OSBPL6: variants seen among roughly 807,000 people sequenced by gnomAD.
The protein encoded by OSBPL6 is oxysterol-binding protein-related protein 6.
OSBPL6 carries 49 observed loss-of-function variants against 125.8 expected under a neutral mutation model. The ratio of observed to expected loss-of-function variants is 0.39; its 90% CI spans 0.31 to 0.49. The LOEUF (loss-of-function observed/expected upper bound fraction) is 0.49, where lower values mean the gene tolerates loss of function less well. Ranked by LOEUF, OSBPL6 falls within the 20% of genes least tolerant of loss-of-function variation. The probability of loss-of-function intolerance (pLI) is 0.88; values close to 1 mark genes in which losing one functional copy is unlikely to be tolerated. For missense variants in OSBPL6, 986 were observed against 1,135.4 expected (o/e 0.87, Z 1.89); for synonymous variants, 394 against 391.8 (o/e 1.01, Z -0.07).
chr2:178,291,372 A>G (rs1574771019), intron 2 of OSBPL6, among the ~76,000 whole-genome samples: 1 of 152,152 alleles, frequency 6.6e-6, no homozygotes, highest in East Asian at 1.9e-4. Context: ...GCCATATTGA[A>G]TGGCTTTGTT....
chr2:178,377,017 T>G (rs1369387184), intron 15 of OSBPL6, among the ~76,000 whole-genome samples: 1 of 152,218 alleles, frequency 6.6e-6, no homozygotes, highest in Non-Finnish European at 1.5e-5. Context: ...TCAGAGTTGC[T>G]TTTCCCCTTC....
chr2:178,232,274 T>C (rs1234661976), intron 1 of OSBPL6, among the ~76,000 whole-genome samples: 1 of 152,210 alleles, frequency 6.6e-6, no homozygotes, highest in African/African-American at 2.4e-5. Flanking sequence ...TTGCTTTTTT[T>C]CTTTTTTGAC....
At chr2:178,297,373 G>A (rs1049812969) in intron 2 of OSBPL6, among the ~76,000 whole-genome samples, 1 of 152,192 alleles carries the variant, frequency 6.6e-6, no homozygotes, top group Admixed American at 6.5e-5. Context: ...TGAAGTGAGA[G>A]GATTGCTTGA....
intron 12 of OSBPL6, among the ~76,000 whole-genome samples, chr2:178,355,363 A>C (rs922556036): frequency 1.3e-5 from 2 of 152,240 alleles, no homozygotes; most frequent in African/African-American, 4.8e-5. Context: ...ATTAGAAAAG[A>C]GAGAAGAGTC....
intron 1 of OSBPL6, among the ~76,000 whole-genome samples, chr2:178,212,425 A>C (rs548209571): frequency 6.6e-6 from 1 of 152,354 alleles, no homozygotes; most frequent in South Asian, 2.1e-4. Flanking sequence ...CATTCTTAGA[A>C]TAATGTGACA....
chr2:178,311,287 G>C (rs560594807), intron 3 of OSBPL6, among the ~76,000 whole-genome samples: 1 of 151,978 alleles, frequency 6.6e-6, no homozygotes, highest in Non-Finnish European at 1.5e-5. Flanking sequence ...GCCATCCCCC[G>C]GTTTGTCATA....
intron 1 of OSBPL6, among the ~76,000 whole-genome samples, chr2:178,243,016 TAAATATATCATTTATA>T (rs1352041818): frequency 6.6e-6 from 1 of 151,968 alleles, no homozygotes; most frequent in Non-Finnish European, 1.5e-5. Flanking sequence ...CACATTTTTA[TAAATATATCATTTATA>T]AAATATAAAC....
intron 3 of OSBPL6, chr2:178,323,909 A>G (rs1439657743): frequency 1.1e-5 from 3 of 267,404 alleles, no homozygotes; most frequent in African/African-American, 2.2e-5. Context: ...TGTGTGTATC[A>G]TAAAATTTTT....
At chr2:178,277,375 A>G (rs1261488403) in intron 1 of OSBPL6, among the ~76,000 whole-genome samples, 1 of 152,146 alleles carries the variant, frequency 6.6e-6, no homozygotes, top group Admixed American at 6.5e-5. Flanking sequence ...CATTAACAAT[A>G]CTCTTTAATT....
chr2:178,338,901 AT>A, intron 9 of OSBPL6, 89 bp from the exon 10 acceptor site: 1 of 800,484 alleles, frequency 1.2e-6, no homozygotes, highest in Non-Finnish European at 2.0e-6. Flanking sequence ...GCCTACTTAT[AT>A]TTGCCATAAT....
intron 1 of OSBPL6, among the ~76,000 whole-genome samples, chr2:178,202,079 C>T (rs2089289639): frequency 6.6e-6 from 1 of 152,128 alleles, no homozygotes; most frequent in Non-Finnish European, 1.5e-5. Flanking sequence ...TTCTCTCTTC[C>T]TGACTTTTGT....
At chr2:178,344,383 T>G (rs1222622350) in intron 11 of OSBPL6, 27 of 1,610,226 alleles carry the variant, frequency 1.7e-5, no homozygotes, top group Non-Finnish European at 2.1e-5. Flanking sequence ...CAATCTCAAG[T>G]GGAAGTTTAA....
intron 1 of OSBPL6, 129 bp downstream of exon 1, chr2:178,194,803 T>G (rs575030691): frequency 6.6e-6 from 1 of 152,342 alleles, no homozygotes; most frequent in African/African-American, 2.4e-5. Context: ...AGCCGCAGCT[T>G]CGGGTCCCCA....
At chr2:178,364,277 A>G (rs1204622141) in intron 13 of OSBPL6, among the ~76,000 whole-genome samples, 2 of 152,216 alleles carry the variant, frequency 1.3e-5, no homozygotes, top group South Asian at 2.1e-4. Flanking sequence ...TCAGTTAACA[A>G]TTTTAACTGG....
chr2:178,379,407 G>GAAAGAAAGAAAGA (rs1466267926), intron 15 of OSBPL6, among the ~76,000 whole-genome samples: 4 of 139,228 alleles, frequency 2.9e-5, no homozygotes, highest in African/African-American at 5.3e-5. Context: ...GGGAGGGAGG[G>GAAAGAAAGAAAGA]AAAGAAAGAG....
intron 13 of OSBPL6, among the ~76,000 whole-genome samples, chr2:178,371,855 G>A (rs1477519088): frequency 6.6e-6 from 1 of 152,098 alleles, no homozygotes; most frequent in African/African-American, 2.4e-5. Flanking sequence ...CACTCTAAAG[G>A]AAAGAAAATT....
chr2:178,208,841 G>A (rs1373337582), intron 1 of OSBPL6, among the ~76,000 whole-genome samples: 4 of 27,104 alleles, frequency 1.5e-4, no homozygotes, highest in Non-Finnish European at 2.3e-4. Flanking sequence ...CACACCCTCC[G>A]TTAGCTTCCT....
chr2:178,305,688 A>G (rs940370508), intron 2 of OSBPL6, among the ~76,000 whole-genome samples: 7 of 152,230 alleles, frequency 4.6e-5, no homozygotes, highest in African/African-American at 1.4e-4. Flanking sequence ...ATTCTAGTCC[A>G]TTGGGTAGGA....
intron 1 of OSBPL6, among the ~76,000 whole-genome samples, chr2:178,210,194 A>G (rs1185598352): frequency 6.7e-6 from 1 of 148,922 alleles, no homozygotes; most frequent in East Asian, 2.0e-4. Context: ...TAACTTTGTT[A>G]TGTATATTTT....
Sources: gnomAD v4.1 joint callset for allele counts (sites outside exome capture counted in the v4.1 genomes callset) on GRCh38, gnomAD v4.1.1 for gene constraint, MANE v1.5 for transcripts, NCBI Gene and HGNC (gene_info 2026-07-23, HGNC 2026-07-21) for gene names.